CWC22: variants seen among roughly 807,000 people sequenced by gnomAD.
CWC22 encodes the protein CWC22 spliceosome associated protein.
Under a neutral mutation model 117.2 loss-of-function variants are expected in CWC22, and 53 were observed. That is an observed-to-expected ratio of 0.45 (90% CI 0.36 to 0.57). CWC22 has a LOEUF of 0.57. Among genes scored for constraint, CWC22 ranks in the 20% least tolerant of loss-of-function variants. The pLI, the probability that CWC22 is intolerant of heterozygous loss-of-function variation, is 0.00. For missense variants in CWC22, 980 were observed against 1,068.8 expected (o/e 0.92, Z 1.16); for synonymous variants, 360 against 355.6 (o/e 1.01, Z -0.14).
intron 1 of CWC22, among the ~76,000 whole-genome samples, chr2:180,001,720 CT>C (rs1442371672): frequency 1.3e-5 from 2 of 152,184 alleles, no homozygotes; most frequent in South Asian, 2.1e-4. Context: ...TACACAGTAA[CT>C]TTTTTTCTTG....
chr2:179,966,743 G>C (rs192062755), intron 11 of CWC22, among the ~76,000 whole-genome samples: 1 of 152,182 alleles, frequency 6.6e-6, no homozygotes, highest in Non-Finnish European at 1.5e-5. Context: ...ATGGTGCTCT[G>C]TTAGCCTGAT....
At position 179,954,984 on chromosome 2, in the gene CWC22, G is replaced by A. The variant is rs756473219; in HGVS notation, c.1509C>T (p.Tyr503=). 8.7e-6 allele frequency: 14 copies of A among 1,601,000 alleles called. No individual in the cohort carries two copies. The highest frequency in any genetic ancestry group is 3.4e-5 in the South Asian group (3 of 88,466). Residue 503 remains tyrosine, a synonymous_variant, in exon 15 of 20, where the codon TAC becomes TAT. Transcript: ENST00000410053. ...CAGCTAATAAGCCAAAAAATTTTTC[G>A]TATGTCCTCTGTTGGGCACAGCAAT... The part of the protein sequence containing the change: ...ILDCCAQQRT[Y]EKFFGLLAGR...
intron 5 of CWC22, among the ~76,000 whole-genome samples, chr2:179,981,039 T>C (rs1256910996): frequency 6.6e-6 from 1 of 152,178 alleles, no homozygotes; most frequent in Non-Finnish European, 1.5e-5. Flanking sequence ...TATATAAATT[T>C]TGTCTGTCTG....
Position 179,981,837 on chromosome 2 carries a change from C to A in CWC22, c.367G>T (p.Asp123Tyr). 3.1e-6 allele frequency: 5 copies of A among 1,613,768 alleles called. No individual in the cohort carries two copies. In the South Asian group the frequency reaches 4.4e-5, roughly 14 times the overall value. Residue 123 changes from aspartate (D) to tyrosine (Y), a missense_variant, in exon 5 of 20, where the codon GAT becomes TAT. Around this residue, in one of 3 missense-constraint regions of CWC22, gnomAD observed 559 missense variants for 602.3 expected, o/e 0.93. Coordinates refer to ENST00000410053, the MANE Select transcript of CWC22 (RefSeq NM_020943.3). ...CCACCAGTGCGAGTAAGAAGAGGAT[C>A]CAGCTCATCTTTCTTTTTCTTTGTA... is the stretch of plus-strand genomic sequence containing the variant. The part of the protein sequence containing the change: ...PATKKKKDEL[D>Y]PLLTRTGGAY...
intron 13 of CWC22, among the ~76,000 whole-genome samples, chr2:179,963,185 A>G (rs1270198558): frequency 1.3e-5 from 2 of 151,860 alleles, no homozygotes; most frequent in Non-Finnish European, 2.9e-5. Context: ...TGTAACTGCA[A>G]TACTAACACA....
intron 2 of CWC22, 94 bp downstream of exon 2, chr2:179,993,221 C>A: frequency 1.0e-6 from 1 of 963,270 alleles, no homozygotes; most frequent in Non-Finnish European, 1.6e-6. Context: ...TACTGTCTGG[C>A]TCTGATGTCC....
chr2:179,980,210 A>G (rs1172008731), intron 5 of CWC22, among the ~76,000 whole-genome samples: 3 of 152,148 alleles, frequency 2.0e-5, no homozygotes, highest in African/African-American at 7.2e-5. Context: ...TTACATGATA[A>G]TGAAGGTCCT....
At chr2:179,959,135 T>A in intron 13 of CWC22, 53 bp from the exon 14 acceptor site, 1 of 1,004,914 alleles carries the variant, frequency 1.0e-6, no homozygotes, top group Non-Finnish European at 1.5e-6. Context: ...CTGTACACTC[T>A]TATACACAAG....
intron 19 of CWC22, among the ~76,000 whole-genome samples, 190 bp downstream of exon 19, chr2:179,950,322 G>GATGTCAAAAGGATGTA (rs1686411781): frequency 1.3e-5 from 2 of 152,056 alleles, no homozygotes; most frequent in Non-Finnish European, 2.9e-5. Flanking sequence ...ATGTCAAAAG[G>GATGTCAAAAGGATGTA]TAATCCCAGC....
chr2:179,957,523 T>G (rs1686626432), intron 14 of CWC22, among the ~76,000 whole-genome samples: 1 of 152,188 alleles, frequency 6.6e-6, no homozygotes, highest in East Asian at 1.9e-4. Flanking sequence ...TCTTGCTATA[T>G]TCCAATAACA....
Position 179,971,050 on chromosome 2 carries a change from C to T in CWC22, c.831G>A (p.Met277Ile), listed in dbSNP as rs758809012. 1.9e-6 allele frequency: 3 copies of T among 1,599,270 alleles called. No individual in the cohort carries two copies. Among genetic ancestry groups the T allele is most frequent in the South Asian group, 2.3e-5 (2 of 88,606 alleles). ...TTGGTCTTTCCAGGAGCAAAGTGAG[C>T]ATCTCTAAGCATAATACTTCGTGTG... is the stretch of plus-strand genomic sequence containing the variant. The part of the protein sequence containing the change: ...NVAHEVLCLE[M>I]LTLLLERPTD... Residue 277 changes from methionine to isoleucine, a missense_variant, in exon 9 of 20, where the codon ATG becomes ATA. By Grantham distance (10) the Met-to-Ile change is conservative. This residue lies in a region of CWC22 where 559 missense variants were observed against 602.3 expected (regional missense o/e 0.93). Transcript: ENST00000410053.
rs1285140641 is a variant in CWC22 at position 179,945,494 on chromosome 2, T to C, written c.2362A>G (p.Lys788Glu). 6.2e-7 allele frequency: 1 copy of C among 1,612,928 alleles called. No individual in the cohort carries two copies. The highest frequency in any genetic ancestry group is 8.5e-7 in the Non-Finnish European group (1 of 1,179,286). The change falls in exon 20 of 20, where the codon AAA becomes GAA. Residue 788 changes from lysine to glutamate, a missense_variant. By Grantham distance (56) the Lys-to-Glu change is moderately conservative (BLOSUM62 1). Coordinates refer to ENST00000410053, the MANE Select transcript of CWC22 (RefSeq NM_020943.3). ...RDPITKYTSD[K>E]DVPSERNNYS... Reference sequence around the variant, plus strand: ...TTATTTCGTTCAGAAGGAACATCTTTGTCTGATGTGTACTTTGTTATAGGA... The same window carrying C: ...TTATTTCGTTCAGAAGGAACATCTTCGTCTGATGTGTACTTTGTTATAGGA...
chr2:179,949,801 C>T (rs376335863), intron 19 of CWC22, among the ~76,000 whole-genome samples: 1 of 152,054 alleles, frequency 6.6e-6, no homozygotes, highest in Admixed American at 6.6e-5. Context: ...GTGGTATATT[C>T]ATATAGTAGG....
chr2:179,986,150 T>C (rs1351400002), intron 4 of CWC22, among the ~76,000 whole-genome samples: 1 of 152,058 alleles, frequency 6.6e-6, no homozygotes. Context: ...ACCAAGGAAA[T>C]ATTGCAAGTC....
chr2:179,965,176 T>G (rs997707178), intron 12 of CWC22, among the ~76,000 whole-genome samples: 2 of 152,196 alleles, frequency 1.3e-5, no homozygotes, highest in African/African-American at 4.8e-5. Flanking sequence ...ATAAAAAAAG[T>G]TGGAAAAAAT....
chr2:179,946,059 T>A (rs547763240), intron 19 of CWC22, among the ~76,000 whole-genome samples: 3 of 152,226 alleles, frequency 2.0e-5, no homozygotes, highest in African/African-American at 7.2e-5. Context: ...ATTTTCGTAT[T>A]TTTAGTAGAG....
In CWC22 at chr2:179,954,947, TG is replaced by T; in HGVS notation, c.1536+9del. On this transcript the variant is annotated intron_variant, in intron 15 of 19. Coordinates refer to ENST00000410053, the MANE Select transcript of CWC22 (RefSeq NM_020943.3). ...TTTTAAGAATTCCCTCAGTAGAGGC[TG>T]GAACTCACCCCAGCTAATAAGCCAA... 6.7e-7 allele frequency: 1 copy of T among 1,501,524 alleles called. No homozygotes were observed. Among genetic ancestry groups the T allele is most frequent in the Non-Finnish European group, 9.2e-7 (1 of 1,088,060 alleles). The allele number at this position is 1,501,524 out of a possible 1,614,324, so 93.0% of individuals were successfully genotyped here.
intron 6 of CWC22, among the ~76,000 whole-genome samples, chr2:179,974,417 C>T (rs1687106508): frequency 6.6e-6 from 1 of 152,078 alleles, no homozygotes; most frequent in Non-Finnish European, 1.5e-5. Flanking sequence ...GGTCATGTTT[C>T]TATATGCATT....
At chr2:179,976,444 A>G (rs1028620413) in intron 6 of CWC22, among the ~76,000 whole-genome samples, 15 of 152,226 alleles carry the variant, frequency 9.9e-5, no homozygotes, top group African/African-American at 2.9e-4. Flanking sequence ...GCTTCTGCAC[A>G]GCACAGGAAA....
Sources: gnomAD v4.1 joint callset for allele counts (sites outside exome capture counted in the v4.1 genomes callset) on GRCh38, gnomAD v4.1.1 for gene constraint, gnomAD v4.1.1 regional missense constraint, MANE v1.5 for transcripts, NCBI Gene and HGNC (gene_info 2026-07-23, HGNC 2026-07-21) for gene names.